FAM13A: variants seen among roughly 807,000 people sequenced by gnomAD.
FAM13A encodes protein FAM13A.
In FAM13A, 76 loss-of-function variants were observed where a neutral mutation model predicts 129.6. The ratio of observed to expected loss-of-function variants is 0.59; its 90% confidence interval spans 0.49 to 0.71. The LOEUF (loss-of-function observed/expected upper bound fraction) is 0.71, where lower values mean the gene tolerates loss of function less well. Among genes scored for constraint, FAM13A ranks in the 30% least tolerant of loss-of-function variants. FAM13A has a pLI of 0.00. For synonymous variants in FAM13A, 443 were observed against 449.9 expected (o/e 0.98, Z 0.20); for missense variants, 1,108 against 1,249.3 (o/e 0.89, Z 1.70).
At chr4:88,776,426 G>T (rs72870544) in intron 11 of FAM13A, among the ~76,000 whole-genome samples, 1 of 151,926 alleles carries the variant, frequency 6.6e-6, no homozygotes, top group Non-Finnish European at 1.5e-5. Context: ...TCTACCTATG[G>T]ATTATTGGGA....
At chr4:89,023,006 G>A (rs1306149431) in intron 2 of FAM13A, among the ~76,000 whole-genome samples, 1 of 152,180 alleles carries the variant, frequency 6.6e-6, no homozygotes, top group Non-Finnish European at 1.5e-5. Context: ...TAAGACAGAG[G>A]ACACAACTAA....
intron 6 of FAM13A, among the ~76,000 whole-genome samples, chr4:88,904,519 GA>G (rs1164871766): frequency 6.6e-6 from 1 of 152,186 alleles, no homozygotes; most frequent in Non-Finnish European, 1.5e-5. Flanking sequence ...CACAGGAATA[GA>G]AAACCAAACA....
chr4:88,878,287 C>CAAAAAAAAAAAA (rs56067813), intron 6 of FAM13A, among the ~76,000 whole-genome samples: 4 of 61,076 alleles, frequency 6.5e-5, no homozygotes, highest in African/African-American at 2.9e-4. Flanking sequence ...GACTCCATCT[C>CAAAAAAAAAAAA]AAAAAAAAAA....
At chr4:88,747,873 TAAAG>T in intron 17 of FAM13A, 22 bp from the exon 18 acceptor site, 1 of 1,480,456 alleles carries the variant, frequency 6.8e-7, no homozygotes, top group Non-Finnish European at 9.4e-7. Flanking sequence ...GATTTGGGGG[TAAAG>T]ATATATGAGA....
In FAM13A at chr4:88,758,858, G is replaced by T. The variant is rs763152728; in HGVS notation, c.1622C>A (p.Thr541Asn). 6.2e-7 allele frequency: 1 copy of T among 1,613,982 alleles called. No individual in the cohort carries two copies. The part of the protein sequence containing the change: ...KIQEHPSLSD[T>N]KQQRNQDAGD... ...GGCATCTTGATTTCTCTGCTGTTTG[G>T]TGTCAGATAGGCTGGGATGCTCCTG... The change falls in exon 14 of 24, where the codon ACC (threonine) becomes AAC (asparagine). Residue 541 changes from threonine (T) to asparagine (N), a missense_variant. Physicochemically the swap from Thr to Asn is moderately conservative, Grantham distance 65 (BLOSUM62 0). Around this residue, in one of 3 missense-constraint regions of FAM13A, gnomAD observed 529 missense variants for 621.2 expected, o/e 0.85. Transcript: ENST00000264344.
chr4:88,845,027 A>C (rs1313135781), intron 7 of FAM13A, among the ~76,000 whole-genome samples: 1 of 152,210 alleles, frequency 6.6e-6, no homozygotes, highest in East Asian at 1.9e-4. Context: ...AGAGTTGAAG[A>C]CAGAGGCACT....
chr4:88,776,768 A>G (rs1721803768), intron 11 of FAM13A, among the ~76,000 whole-genome samples: 1 of 152,094 alleles, frequency 6.6e-6, no homozygotes, highest in African/African-American at 2.4e-5. Flanking sequence ...TGAGGTCAGG[A>G]GTTCAGGACC....
At chr4:88,758,215 C>T (rs1208931396) in intron 14 of FAM13A, among the ~76,000 whole-genome samples, 2 of 152,104 alleles carry the variant, frequency 1.3e-5, no homozygotes, top group Non-Finnish European at 2.9e-5. Context: ...GTATTACAAG[C>T]TTTCAGTAAG....
chr4:88,919,047 C>T (rs1750574005), intron 5 of FAM13A, among the ~76,000 whole-genome samples: 1 of 152,192 alleles, frequency 6.6e-6, no homozygotes, highest in South Asian at 2.1e-4. Flanking sequence ...TAATCTTTTA[C>T]AGAACCTTCC....
rs1207078112 is a variant in FAM13A at position 89,000,754 on chromosome 4, T to A, written c.428-9604A>T. Among the ~76,000 whole-genome samples the A allele has an allele frequency of 2.0e-5, 3 of 152,124 alleles. No homozygotes were observed. The East Asian group carries it at 5.8e-4, about 29-fold the overall frequency. On this transcript the variant is annotated intron_variant, in intron 3 of 23. Transcript: ENST00000264344. ...ATCAAGCATGGGAAAAAATTAAGCA[T>A]GGGAAAAGAAAGTCAGAGGAGACCT...
chr4:89,024,781 G>C (rs1042891815), intron 2 of FAM13A, among the ~76,000 whole-genome samples: 6 of 152,074 alleles, frequency 3.9e-5, no homozygotes, highest in Admixed American at 3.3e-4. Context: ...ATACAAGAAG[G>C]GGCTTGTGTT....
intron 1 of FAM13A, among the ~76,000 whole-genome samples, chr4:89,042,511 C>A (rs1010492517): frequency 2.8e-4 from 42 of 152,238 alleles, no homozygotes; most frequent in African/African-American, 9.4e-4. Flanking sequence ...GTTACCCTTA[C>A]AGAAACATTT....
At chr4:89,052,013 T>C (rs144611019) in intron 1 of FAM13A, among the ~76,000 whole-genome samples, 15 of 152,238 alleles carry the variant, frequency 9.9e-5, no homozygotes, top group African/African-American at 3.6e-4. Flanking sequence ...TGTGGCTCCG[T>C]GAAATGTTGG....
At chr4:88,782,763 C>T (rs1019927386) in intron 10 of FAM13A, among the ~76,000 whole-genome samples, 1 of 152,106 alleles carries the variant, frequency 6.6e-6, no homozygotes, top group Non-Finnish European at 1.5e-5. Context: ...TAATTGAAGA[C>T]AGGAGGAGAA....
intron 5 of FAM13A, chr4:88,937,848 T>C: frequency 1.8e-6 from 1 of 549,802 alleles, no homozygotes; most frequent in Non-Finnish European, 3.2e-6. Context: ...CATGCAAGTG[T>C]TTTTGAGATG....
rs552598388 is a variant in FAM13A, at chr4:88,746,953, A to G, written c.2445T>C (p.Tyr815=). 6.2e-7 allele frequency: 1 copy of G among 1,613,466 alleles called. No individual in the cohort carries two copies. Among genetic ancestry groups the G allele is most frequent in the South Asian group, 1.1e-5 (1 of 91,058 alleles). ...KVALQKALLY[Y]ESIHGRPVTK... ...ATACCGGCCGTCCATGAATGCTTTC[A>G]TAATATAACAGAGCTTTCTGCAGAG... The change falls in exon 19 of 24, where the codon TAT becomes TAC. Residue 815 remains tyrosine, a synonymous_variant. Transcript: ENST00000264344.
chr4:89,008,302 G>T (rs1307297899), intron 3 of FAM13A, among the ~76,000 whole-genome samples: 1 of 152,148 alleles, frequency 6.6e-6, no homozygotes, highest in Non-Finnish European at 1.5e-5. Flanking sequence ...GGTTAAATGA[G>T]GCCACAAGGG....
chr4:88,967,803 G>A (rs894997009), intron 4 of FAM13A, among the ~76,000 whole-genome samples: 1 of 152,218 alleles, frequency 6.6e-6, no homozygotes, highest in African/African-American at 2.4e-5. Context: ...AATGGGGACA[G>A]AGAGGAAGGG....
intron 6 of FAM13A, among the ~76,000 whole-genome samples, chr4:88,899,707 A>T (rs1430837219): frequency 6.6e-6 from 1 of 152,094 alleles, no homozygotes; most frequent in African/African-American, 2.4e-5. Flanking sequence ...CTGAAAACTC[A>T]AAAAGCTAGA....
Sources: allele counts gnomAD v4.1 joint callset (sites outside exome capture counted in the v4.1 genomes callset), GRCh38; gene constraint gnomAD v4.1.1; regional missense constraint gnomAD v4.1.1; transcripts MANE v1.5; gene names NCBI Gene and HGNC (gene_info 2026-07-23, HGNC 2026-07-21).